The following SEC61A1 variants were observed in gnomAD, a reference collection of about 807,000 sequenced individuals.
SEC61A1 encodes the protein SEC61 translocon subunit alpha 1, also known as protein transport protein Sec61 subunit alpha isoform 1.
In SEC61A1, 15 loss-of-function variants were observed where a neutral mutation model predicts 55.2. The ratio of observed to expected loss-of-function variants is 0.27; its 90% CI spans 0.18 to 0.42. The LOEUF is 0.42. SEC61A1 is among the 10% of genes least tolerant of loss of function. The pLI, the probability that SEC61A1 is intolerant of heterozygous loss-of-function variation, is 1.00. For synonymous variants in SEC61A1, 247 were observed against 234.0 expected, an observed-to-expected ratio of 1.06 and a Z score of -0.51; for missense variants, 284 against 602.6, an observed-to-expected ratio of 0.47 and a Z score of 5.53.
chr3:128,060,690 A>G (rs1559795893), intron 7 of SEC61A1, 29 bp downstream of exon 7: 1 of 1,602,198 alleles, frequency 6.2e-7, no homozygotes, highest in East Asian at 2.2e-5. Flanking sequence ...CCTGGTGGCG[A>G]CAGCTTTCAG....
upstream of SEC61A1, chr3:128,051,903 G>C: frequency 1.3e-6 from 2 of 1,535,916 alleles, no homozygotes; most frequent in South Asian, 1.2e-5. Context: ...AGACAGCGAG[G>C]GTGCTCGGTA....
rs776394287 is a variant in SEC61A1, at chr3:128,067,939, C to T, written c.1168-44C>T. The T allele has an allele frequency of 1.3e-6, 2 of 1,526,120 alleles. No individual in the cohort carries two copies. The highest frequency in any genetic ancestry group is 1.7e-4 in the Middle Eastern group (1 of 5,910). 94.5% of individuals were successfully genotyped at this position (1,526,120 alleles called of 1,614,324 possible). A position where few individuals can be genotyped will look rare whatever the true frequency, so the allele number is the denominator to read the frequency against. On this transcript the variant is annotated intron_variant, in intron 10 of 11. Coordinates refer to ENST00000243253, the MANE Select transcript of SEC61A1 (RefSeq NM_013336.4). This position sits in a 1 kb window ranked among gnomAD's most constrained non-coding sequence, Gnocchi z 4.1. ...GTACCACTTGGAATGCCTATTTCCC[C>T]TTCAGCCTCCAATTCCAACTTCTCC...
rs536170810 is a variant in SEC61A1, at chr3:128,052,476, C to T, written c.-77C>T. On this transcript the variant is annotated 5_prime_UTR_variant, in exon 1 of 12. Transcript: ENST00000243253. ...CGGAGCTGCTGTGCAGTGGAACGCG[C>T]TGGGCCGCGGGCAGCGTCGCCTCAC... The T allele has an allele frequency of 2.3e-4, 350 of 1,549,392 alleles. No individual in the cohort carries two copies. The highest frequency in any genetic ancestry group is 3.0e-4 in the Non-Finnish European group (344 of 1,148,468).
chr3:128,069,386 A>G lies in SEC61A1; in HGVS notation c.1245-90A>G. 4 of 1,219,284 alleles carry G rather than the reference A, an allele frequency of 3.3e-6. No homozygotes were observed. In the South Asian group the frequency reaches 4.1e-5, roughly 13 times the overall value. 75.5% of individuals were successfully genotyped at this position (1,219,284 alleles called of 1,614,324 possible). On this transcript the variant is annotated intron_variant, in intron 11 of 11. Coordinates refer to ENST00000243253, the MANE Select transcript of SEC61A1 (RefSeq NM_013336.4). ...ACAGCAGAGGGGCCTTTGAGGCATT[A>G]GGTCCCAAAGTCTCAGGTGAGCCTG...
chr3:128,063,323 A>C (rs921756407), intron 7 of SEC61A1, among the ~76,000 whole-genome samples: 1 of 152,202 alleles, frequency 6.6e-6, no homozygotes, highest in Non-Finnish European at 1.5e-5. Context: ...GTGGCCATCA[A>C]ATACAGTCCC....
intron 7 of SEC61A1, among the ~76,000 whole-genome samples, chr3:128,064,507 C>T (rs1446718753): frequency 6.6e-6 from 1 of 152,014 alleles, no homozygotes; most frequent in South Asian, 2.1e-4. Flanking sequence ...ATTAGCCAGG[C>T]GTGGTAGCAT....
rs1308890556 is a variant in SEC61A1, at chr3:128,070,782, A to C, written c.*1120A>C. ...AGTTGCTCCAGTGTTTGAAATAAGA[A>C]GACTCATGTTTATGTCTGGAATAAG... On this transcript the variant is annotated 3_prime_UTR_variant, in exon 12 of 12. Coordinates refer to ENST00000243253, the MANE Select transcript of SEC61A1 (RefSeq NM_013336.4). 1 of 151,704 alleles carries C rather than the reference A, an allele frequency of 6.6e-6. No homozygotes were observed. Among genetic ancestry groups the C allele is most frequent in the Non-Finnish European group, 1.5e-5 (1 of 68,220 alleles). 9.4% of individuals were successfully genotyped at this position (151,704 alleles called of 1,614,324 possible).
At chr3:128,063,568 C>T (rs770930664) in intron 7 of SEC61A1, among the ~76,000 whole-genome samples, 17 of 152,186 alleles carry the variant, frequency 1.1e-4, no homozygotes, top group Admixed American at 1.1e-3. Context: ...AACTCCTGAC[C>T]TTGTGATCCG....
In SEC61A1 at chr3:128,069,804, G is replaced by C. The variant is rs550872666; in HGVS notation, c.*142G>C. 2.6e-6 allele frequency: 2 copies of C among 760,750 alleles called. No individual in the cohort carries two copies. Among genetic ancestry groups the C allele is most frequent in the Non-Finnish European group, 4.2e-6 (2 of 480,936 alleles). The allele number at this position is 760,750 out of a possible 1,614,324, so 47.1% of individuals were successfully genotyped here. A position where few individuals can be genotyped will look rare whatever the true frequency, so the allele number is the denominator to read the frequency against. ...ATTCTTTCATTCCACTGTGTAAAGT[G>C]CTAGACATTTTCCAATTTAAAATTT... On this transcript the variant is annotated 3_prime_UTR_variant, in exon 12 of 12. Transcript: ENST00000243253.
upstream of SEC61A1, among the ~76,000 whole-genome samples, chr3:128,052,166 G>T (rs1290905554): frequency 6.6e-6 from 1 of 152,078 alleles, no homozygotes; most frequent in Non-Finnish European, 1.5e-5. Flanking sequence ...CCAGTCTCGG[G>T]AGGCGTGACA....
At chr3:128,068,120 G>T in intron 11 of SEC61A1, 61 bp downstream of exon 11, 1 of 1,363,360 alleles carries the variant, frequency 7.3e-7, no homozygotes, top group Non-Finnish European at 1.0e-6. Flanking sequence ...TTCTTTCCAT[G>T]CAGGGCATCC....
Position 128,055,717 on chromosome 3 carries a change from C to T in SEC61A1, c.186C>T (p.Phe62=). 6.2e-7 allele frequency: 1 copy of T among 1,614,160 alleles called. No homozygotes were observed. Among genetic ancestry groups the T allele is most frequent in the Non-Finnish European group, 8.5e-7 (1 of 1,180,010 alleles). Residue 62 remains phenylalanine, a synonymous_variant, in exon 4 of 12, where the codon TTC becomes TTT. Transcript: ENST00000243253. ...GIMSSDSADP[F]YWMRVILASN... is the part of the protein sequence containing the mutation. ...TGTCTTCAGATTCAGCTGACCCTTT[C>T]TATTGGATGAGAGTGATTCTAGCCT...
chr3:128,065,031 T>C lies in SEC61A1; in HGVS notation c.771T>C (p.Tyr257=). The change falls in exon 8 of 12, where the codon TAT becomes TAC. Residue 257 remains tyrosine (Y), a synonymous_variant. Transcript: ENST00000243253. ...ATIFVFAVVI[Y]FQGFRVDLPI... ...TCTTTGTCTTTGCAGTGGTCATCTA[T>C]TTCCAGGTGTGTCCAGATCCAACCC... The C allele has an allele frequency of 6.2e-7, 1 of 1,614,246 alleles. No homozygotes were observed. Among genetic ancestry groups the C allele is most frequent in the Non-Finnish European group, 8.5e-7 (1 of 1,180,038 alleles).
rs201363121 is a variant in SEC61A1, at chr3:128,069,494, G to A, written c.1263G>A (p.Ala421=). 89 of 1,612,402 alleles carry A rather than the reference G, an allele frequency of 5.5e-5. No individual in the cohort carries two copies. The highest frequency in any genetic ancestry group is 1.8e-4 in the Admixed American group (11 of 60,006). The change falls in exon 12 of 12, where the codon GCG becomes GCA. Residue 421 remains alanine, a synonymous_variant. Transcript: ENST00000243253. ...HELNRYIPTA[A]AFGGLCIGAL... The stretch of plus-strand genomic sequence containing the variant: ...CCCCCAGGTACATCCCCACAGCCGC[G>A]GCCTTTGGTGGGCTGTGCATCGGGG...
At chr3:128,060,461 C>T (rs777946332) in intron 6 of SEC61A1, 47 bp from the exon 7 acceptor site, 1 of 1,596,080 alleles carries the variant, frequency 6.3e-7, no homozygotes, top group African/African-American at 1.3e-5. Context: ...GGAACCATGT[C>T]CGTGGGGAGC....
At chr3:128,053,731 G>A (rs1431024566) in intron 2 of SEC61A1, among the ~76,000 whole-genome samples, 1 of 152,284 alleles carries the variant, frequency 6.6e-6, no homozygotes, top group South Asian at 2.1e-4. Context: ...CCAGTGTAGC[G>A]AAGGGGCATG....
chr3:128,055,808 A>C (rs1306224627), intron 4 of SEC61A1, 57 bp downstream of exon 4: 4 of 1,365,772 alleles, frequency 2.9e-6, no homozygotes, highest in Non-Finnish European at 4.2e-6. Flanking sequence ...AGCTTCACTT[A>C]GTTAAATTAA....
intron 8 of SEC61A1, chr3:128,066,669 C>T: frequency 2.3e-6 from 1 of 427,402 alleles, no homozygotes; most frequent in Admixed American, 4.0e-5. Flanking sequence ...AGCAATTCTC[C>T]CACCTCGGCC....
At chr3:128,055,477 A>G (rs184168110) in intron 2 of SEC61A1, 39 bp from the exon 3 acceptor site, 31 of 1,524,756 alleles carry the variant, frequency 2.0e-5, no homozygotes, top group East Asian at 9.0e-5. Flanking sequence ...TTGCTTTTCA[A>G]AGTAACTCCC....
Sources: allele counts gnomAD v4.1 joint callset (sites outside exome capture counted in the v4.1 genomes callset), GRCh38; gene constraint gnomAD v4.1.1; non-coding constraint Gnocchi (gnomAD v3.1); transcripts MANE v1.5; gene names NCBI Gene and HGNC (gene_info 2026-07-23, HGNC 2026-07-21).